The following CEP104 variants were observed in gnomAD, a reference collection of about 807,000 sequenced individuals.
CEP104 encodes centrosomal protein of 104 kDa.
CEP104 carries 84 observed loss-of-function variants against 113.3 expected under a neutral mutation model. The ratio of observed to expected loss-of-function variants is 0.74; its 90% confidence interval spans 0.62 to 0.89. The LOEUF (loss-of-function observed/expected upper bound fraction) is 0.89, where lower values mean the gene tolerates loss of function less well. Ranked by LOEUF, CEP104 falls within the 40% of genes least tolerant of loss-of-function variation. CEP104 has a pLI of 0.00. For synonymous variants in CEP104, 378 were observed against 421.7 expected (o/e 0.90, Z 1.27); for missense variants, 1,053 against 1,156.6 (o/e 0.91, Z 1.30).
chr1:3,839,586 C>T, intron 7 of CEP104, 22 bp downstream of exon 7: 1 of 1,598,492 alleles, frequency 6.3e-7, no homozygotes, highest in Non-Finnish European at 8.5e-7. Context: ...AAATTAGGAA[C>T]TGTTTTCTCC....
intron 3 of CEP104, 103 bp from the exon 4 acceptor site, chr1:3,847,716 AT>A (rs1644534186): frequency 2.3e-6 from 3 of 1,278,212 alleles, no homozygotes; most frequent in African/African-American, 3.0e-5. Flanking sequence ...TTATTGTTTT[AT>A]TTTTTAAAGC....
chr1:3,853,819 GTGTGGTGGTTCC>G (rs1644661323), intron 1 of CEP104, among the ~76,000 whole-genome samples: 1 of 152,158 alleles, frequency 6.6e-6, no homozygotes, highest in African/African-American at 2.4e-5. Context: ...ATGAGGCTGG[GTGTGGTGGTTCC>G]TGCCTATAAT....
At position 3,820,759 on chromosome 1, in the gene CEP104, G is replaced by T. The variant is rs530255429; in HGVS notation, c.2571+2415C>A. ...CCAGTGGCAGATGTGGTCAGGACAA[G>T]AACTGGGAACAGATCTAATTTCCAG... On this transcript the variant is annotated intron_variant, in intron 20 of 21. Coordinates refer to ENST00000378230, the MANE Select transcript of CEP104 (RefSeq NM_014704.4). Among the ~76,000 whole-genome samples, 20 of 152,316 alleles carry T rather than the reference G, an allele frequency of 1.3e-4. No individual in the cohort carries two copies. The East Asian group carries it at 3.9e-3, about 29-fold the overall frequency.
intron 20 of CEP104, chr1:3,822,956 G>A (rs563372268): frequency 2.7e-5 from 15 of 564,914 alleles, no homozygotes; most frequent in East Asian, 1.7e-4. Context: ...GAGGCTCCTC[G>A]ATAAACCATT....
intron 15 of CEP104, among the ~76,000 whole-genome samples, chr1:3,828,266 T>C (rs1644131497): frequency 6.6e-6 from 1 of 152,170 alleles, no homozygotes; most frequent in Admixed American, 6.5e-5. Flanking sequence ...AATGAGTGTG[T>C]GCTGAGCCAC....
intron 18 of CEP104, among the ~76,000 whole-genome samples, chr1:3,824,867 G>C (rs1303615309): frequency 6.8e-6 from 1 of 146,772 alleles, no homozygotes; most frequent in Non-Finnish European, 1.5e-5. Context: ...CAGTGGCACC[G>C]TGGGAAGGGC....
rs369081934 is a variant in CEP104 at position 3,850,937 on chromosome 1, C to A, written c.113+1358G>T. On this transcript the variant is annotated intron_variant, in intron 2 of 21. Transcript: ENST00000378230. Reference sequence around the variant, plus strand: ...GAGAATCTTCAATCCCCAAATAACACGGAACATGTGCTGTGAGCGTACAGG... The same window carrying A: ...GAGAATCTTCAATCCCCAAATAACAAGGAACATGTGCTGTGAGCGTACAGG... Among the ~76,000 whole-genome samples, 34 of 152,342 alleles carry A rather than the reference C, an allele frequency of 2.2e-4. No homozygotes were observed. The South Asian group carries it at 6.8e-3, about 31-fold the overall frequency.
chr1:3,835,418 C>T (rs1287232922), intron 10 of CEP104, among the ~76,000 whole-genome samples: 1 of 152,232 alleles, frequency 6.6e-6, no homozygotes, highest in Non-Finnish European at 1.5e-5. Context: ...CTCTGTCGCC[C>T]AGGCTGGAGT....
intron 15 of CEP104, among the ~76,000 whole-genome samples, chr1:3,828,907 C>T (rs78259431): frequency 0.031 from 4,659 of 152,218 alleles, 236 homozygotes; most frequent in African/African-American, 0.11. Flanking sequence ...CTTTTTAATG[C>T]GCTGAAGTCA....
chr1:3,844,972 C>T lies in CEP104; in HGVS notation c.501G>A (p.Glu167=). 1 of 1,614,144 alleles carries T rather than the reference C, an allele frequency of 6.2e-7. No homozygotes were observed. The highest frequency in any genetic ancestry group is 2.2e-5 in the East Asian group (1 of 44,886). Residue 167 remains glutamate (E), a synonymous_variant, in exon 6 of 22, where the codon GAG becomes GAA. Coordinates refer to ENST00000378230, the MANE Select transcript of CEP104 (RefSeq NM_014704.4). ...GCCCAAGGTAGTGGTCAATCAACTT[C>T]TCTCGAGAGGCCTTTGGGGGCAAAA... ...FSDESNTASR[E]KLIDHYLGHN...
At position 3,815,106 on chromosome 1, in the gene CEP104, C is replaced by T; in HGVS notation, c.*296G>A. ...AGCGCCTCCCGGCGGTGCTCTCTGG[C>T]TCTCTCCAAACAGGACGCTTCCTTC... On this transcript the variant is annotated 3_prime_UTR_variant, in exon 22 of 22. Transcript: ENST00000378230. The T allele has an allele frequency of 5.2e-6, 2 of 387,592 alleles. No homozygotes were observed. The highest frequency in any genetic ancestry group is 3.2e-5 in the South Asian group (1 of 31,414). 24.0% of individuals were successfully genotyped at this position (387,592 alleles called of 1,614,324 possible).
chr1:3,815,067 C>A lies in CEP104; in HGVS notation c.*335G>T, dbSNP rs751789229. 5.1e-4 allele frequency: 138 copies of A among 270,534 alleles called. No homozygotes were observed. Among genetic ancestry groups the A allele is most frequent in the Non-Finnish European group, 7.6e-4 (114 of 150,868 alleles). 16.8% of individuals were successfully genotyped at this position (270,534 alleles called of 1,614,324 possible). On this transcript the variant is annotated 3_prime_UTR_variant, in exon 22 of 22. Transcript: ENST00000378230. ...AAAGCGGGACCGTGCCTGTGCTGAC[C>A]GTGGCCTTGCGCGAGCGCCTCCCGG...
intron 1 of CEP104, chr1:3,856,009 G>A (rs961051085): frequency 1.1e-6 from 1 of 902,556 alleles, no homozygotes; most frequent in Non-Finnish European, 1.3e-6. Flanking sequence ...GTGCTGGCAT[G>A]GTAAAAGGCA....
intron 1 of CEP104, chr1:3,855,795 C>T (rs4564078): frequency 0.29 from 174,236 of 596,482 alleles, 29,383 homozygotes; most frequent in African/African-American, 0.64. Context: ...CACTTTTAGG[C>T]TCTATAAAAA....
At position 3,818,072 on chromosome 1, in the gene CEP104, G is replaced by C. The variant is rs190546549; in HGVS notation, c.2572-1702C>G. ...GCAGATGCAAGAGCCAGGCGGCTGC[G>C]ATCAGCTGAACCCAGCCAGGCCAGC... On this transcript the variant is annotated intron_variant, in intron 20 of 21. Transcript: ENST00000378230. Among the ~76,000 whole-genome samples the C allele has an allele frequency of 3.4e-4, 52 of 152,310 alleles. No individual in the cohort carries two copies. The East Asian group carries it at 8.9e-3, about 26-fold the overall frequency.
chr1:3,828,773 G>A (rs1028903209), intron 15 of CEP104, among the ~76,000 whole-genome samples: 4 of 152,116 alleles, frequency 2.6e-5, no homozygotes, highest in Non-Finnish European at 4.4e-5. Flanking sequence ...TATCCCAGAA[G>A]CTGGGAGGCT....
Position 3,845,399 on chromosome 1 carries a change from G to T in CEP104, c.427-48C>A. The stretch of plus-strand genomic sequence containing the variant: ...GAATTAAATATACAATGTTTGAAAT[G>T]ACTTAACCCTTTTATTTACTTATTT... On this transcript the variant is annotated intron_variant, in intron 4 of 21. Coordinates refer to ENST00000378230, the MANE Select transcript of CEP104 (RefSeq NM_014704.4). The T allele has an allele frequency of 2.3e-6, 3 of 1,326,420 alleles. No homozygotes were observed. The South Asian group carries it at 3.7e-5, about 16-fold the overall frequency. The allele number at this position is 1,326,420 out of a possible 1,614,324, so 82.2% of individuals were successfully genotyped here.
intron 6 of CEP104, chr1:3,843,093 A>T (rs1489218276): frequency 1.7e-6 from 1 of 587,984 alleles, no homozygotes; most frequent in Non-Finnish European, 3.1e-6. Context: ...CAGCCTAAAA[A>T]ACATTTCAAT....
At chr1:3,843,291 C>T (rs1215202167) in intron 6 of CEP104, 2 of 681,750 alleles carry the variant, frequency 2.9e-6, no homozygotes, top group East Asian at 2.8e-5. Context: ...CTTTAGCTCC[C>T]CAAAAGTGGA....
Sources: gnomAD v4.1 joint callset for allele counts (sites outside exome capture counted in the v4.1 genomes callset) on GRCh38, gnomAD v4.1.1 for gene constraint, MANE v1.5 for transcripts, NCBI Gene and HGNC (gene_info 2026-07-23, HGNC 2026-07-21) for gene names.